PI4K2A: variants seen among roughly 807,000 people sequenced by gnomAD.
The protein encoded by PI4K2A is phosphatidylinositol 4-kinase type 2 alpha, also known as phosphatidylinositol 4-kinase type 2-alpha.
PI4K2A carries 20 observed loss-of-function variants against 55.0 expected under a neutral mutation model. That is an observed-to-expected ratio of 0.36 (90% CI 0.26 to 0.53). The LOEUF is 0.53. PI4K2A is among the 20% of genes least tolerant of loss of function. PI4K2A has a pLI of 0.91. For synonymous variants in PI4K2A, 235 were observed against 258.5 expected (o/e 0.91, Z 0.87); for missense variants, 463 against 637.1 (o/e 0.73, Z 2.94).
rs151039229 is a variant in PI4K2A, at chr10:97,662,947, A to G, written c.963A>G (p.Pro321=). 383 of 1,603,896 alleles carry G rather than the reference A, an allele frequency of 2.4e-4. 1 individual carries two copies. In the African/African-American group the frequency reaches 4.7e-3, roughly 20 times the overall value. Residue 321 remains proline (P), a synonymous_variant, in exon 5 of 9, where the codon CCA becomes CCG. Coordinates refer to ENST00000370631, the Ensembl canonical transcript of PI4K2A. ...ACTGGCTGATTAAATATGACTGTCC[A>G]ATGGATAGTTCTAGCTCTCGGGTAA...
intron 8 of PI4K2A, among the ~76,000 whole-genome samples, chr10:97,671,765 C>T (rs910905698): frequency 4.6e-5 from 7 of 151,556 alleles, no homozygotes; most frequent in African/African-American, 1.7e-4. Flanking sequence ...TCAGCCTCCC[C>T]AGTAGCTGGG....
intron 1 of PI4K2A, among the ~76,000 whole-genome samples, chr10:97,642,188 T>C (rs1589930063): frequency 6.6e-6 from 1 of 152,136 alleles, no homozygotes; most frequent in African/African-American, 2.4e-5. Flanking sequence ...GGTGCTGTTT[T>C]AATAGGAGTC....
intron 5 of PI4K2A, among the ~76,000 whole-genome samples, chr10:97,663,712 C>T (rs1048675576): frequency 1.3e-5 from 2 of 150,542 alleles, no homozygotes; most frequent in South Asian, 2.1e-4. Context: ...CCTAGCTACT[C>T]GGGAGGCTGA....
At chr10:97,640,875 G>T in exon 1 of PI4K2A, 1 of 1,311,888 alleles carries the variant, frequency 7.6e-7, no homozygotes, top group Non-Finnish European at 9.7e-7. Context: ...GGCCGGCTCG[G>T]GCCCCTCTCC....
chr10:97,664,247 G>C (rs2041599845), intron 5 of PI4K2A, among the ~76,000 whole-genome samples: 1 of 152,218 alleles, frequency 6.6e-6, no homozygotes, highest in East Asian at 1.9e-4. Flanking sequence ...CACAGTTCTT[G>C]TTCCTGTGAT....
Position 97,645,607 on chromosome 10 carries a change from CAA to C in PI4K2A, c.435+4449_435+4450del, listed in dbSNP as rs1200079096. 1.2e-3 allele frequency among the ~76,000 whole-genome samples: 61 copies of C among 49,574 alleles called. 1 individual carries two copies. Among genetic ancestry groups the C allele is most frequent in the African/African-American group, 3.2e-3 (45 of 13,850 alleles). The allele number at this position is 49,574 out of a possible 152,430, so 32.5% of individuals were successfully genotyped here. A position where few individuals can be genotyped will look rare whatever the true frequency, so the allele number is the denominator to read the frequency against. On this transcript the variant is annotated intron_variant, in intron 1 of 8. Transcript: ENST00000370631. ...TGGGCGAGACAGCAAGACTCTATCT[CAA>C]AAAAAAAAAAAAAAAAAAGTTGGTA...
chr10:97,645,935 A>T (rs2041502957), intron 1 of PI4K2A, among the ~76,000 whole-genome samples: 1 of 152,048 alleles, frequency 6.6e-6, no homozygotes, highest in Admixed American at 6.6e-5. Context: ...TAGCTAAATC[A>T]AGGACTACTA....
At chr10:97,642,063 T>TA (rs1352519809) in intron 1 of PI4K2A, among the ~76,000 whole-genome samples, 1 of 152,168 alleles carries the variant, frequency 6.6e-6, no homozygotes, top group East Asian at 1.9e-4. Flanking sequence ...AGGGAAATTT[T>TA]CAGGTGTGCT....
intron 8 of PI4K2A, among the ~76,000 whole-genome samples, chr10:97,671,938 G>A (rs573864398): frequency 6.6e-6 from 1 of 152,210 alleles, no homozygotes; most frequent in South Asian, 2.1e-4. Context: ...ACAGGCATGA[G>A]CTACCACGCC....
intron 8 of PI4K2A, 96 bp downstream of exon 8, chr10:97,667,216 C>A (rs185869080): frequency 3.7e-5 from 32 of 875,086 alleles, no homozygotes; most frequent in South Asian, 2.3e-4. Context: ...TTATACCCCC[C>A]CCTTTTTTTT....
At chr10:97,668,030 T>G (rs187329987) in intron 8 of PI4K2A, among the ~76,000 whole-genome samples, 22 of 152,310 alleles carry the variant, frequency 1.4e-4, no homozygotes, top group African/African-American at 5.3e-4. Context: ...CCAAGGGGAT[T>G]GTTGATCTTC....
intron 5 of PI4K2A, among the ~76,000 whole-genome samples, chr10:97,664,255 G>T (rs1030933058): frequency 6.6e-6 from 1 of 152,198 alleles, no homozygotes; most frequent in African/African-American, 2.4e-5. Context: ...TTGTTCCTGT[G>T]ATGGCACCCA....
chr10:97,667,242 C>T, intron 8 of PI4K2A, 122 bp downstream of exon 8: 1 of 674,280 alleles, frequency 1.5e-6, no homozygotes, highest in Non-Finnish European at 2.6e-6. Context: ...CCGAGTCTCA[C>T]TCTGTCACCC....
At chr10:97,660,291 G>A (rs1481022899) in intron 4 of PI4K2A, among the ~76,000 whole-genome samples, 58 of 139,616 alleles carry the variant, frequency 4.2e-4, no homozygotes, top group Non-Finnish European at 6.8e-4. Flanking sequence ...GTGAGCCACC[G>A]CGCCCGGCCT....
At chr10:97,658,977 G>C (rs2041568311) in intron 4 of PI4K2A, among the ~76,000 whole-genome samples, 1 of 151,948 alleles carries the variant, frequency 6.6e-6, no homozygotes, top group African/African-American at 2.4e-5. Flanking sequence ...TGTATATCTG[G>C]CTATTAATCC....
intron 2 of PI4K2A, among the ~76,000 whole-genome samples, chr10:97,655,309 G>T (rs2041547624): frequency 6.7e-6 from 1 of 149,080 alleles, no homozygotes; most frequent in South Asian, 2.1e-4. Flanking sequence ...CTTGGAGGTT[G>T]CAGTGAGCCG....
chr10:97,670,664 T>A (rs2041630563), intron 8 of PI4K2A, among the ~76,000 whole-genome samples: 2 of 152,170 alleles, frequency 1.3e-5, no homozygotes, highest in South Asian at 4.1e-4. Context: ...AGAAATTTGT[T>A]ACCAATAGGG....
At chr10:97,652,509 C>T (rs556215765) in intron 2 of PI4K2A, among the ~76,000 whole-genome samples, 2 of 151,902 alleles carry the variant, frequency 1.3e-5, no homozygotes, top group African/African-American at 4.8e-5. Flanking sequence ...CTGTTTTGCC[C>T]AGGCTGGTCT....
At chr10:97,650,528 C>A (rs982051338) in intron 1 of PI4K2A, among the ~76,000 whole-genome samples, 1 of 152,112 alleles carries the variant, frequency 6.6e-6, no homozygotes, top group Non-Finnish European at 1.5e-5. Flanking sequence ...ATTATCCACC[C>A]GCCTTGGCCT....
Sources: gnomAD v4.1 joint callset for allele counts (sites outside exome capture counted in the v4.1 genomes callset) on GRCh38, gnomAD v4.1.1 for gene constraint, MANE v1.5 for transcripts, NCBI Gene and HGNC (gene_info 2026-07-23, HGNC 2026-07-21) for gene names.